TOR2A: variants seen among roughly 807,000 people sequenced by gnomAD.
TOR2A encodes prosalusin.
TOR2A carries 24 observed loss-of-function variants against 28.6 expected under a neutral mutation model. That is an observed-to-expected ratio of 0.84 (90% CI 0.61 to 1.18). The LOEUF is 1.18. Ranked by LOEUF, TOR2A falls within the 50% of genes most tolerant of loss-of-function variation. TOR2A has a pLI of 0.00. For synonymous variants in TOR2A, 203 were observed against 203.1 expected (o/e 1.00, Z 0.00); for missense variants, 426 against 448.1 (o/e 0.95, Z 0.45).
chr9:127,734,358 C>CGCGGGGGCT lies in TOR2A; in HGVS notation c.349_357dup (p.Ser117_Arg119dup), dbSNP rs756162860. 20 of 1,611,180 alleles carry CGCGGGGGCT rather than the reference C, an allele frequency of 1.2e-5. No homozygotes were observed. The highest frequency in any genetic ancestry group is 1.7e-5 in the Admixed American group (1 of 59,794). On this transcript the variant is annotated inframe_insertion, in exon 2 of 5. Transcript: ENST00000373284. ...TGGAGGACGGGAGAAAAGTGGTGCA[C>CGCGGGGGCT]GCGGGGGCTGCGGAGGCCGCCCTGG... is the stretch of plus-strand genomic sequence containing the variant.
chr9:127,733,922 G>A (rs1844577053), intron 2 of TOR2A: 2 of 402,974 alleles, frequency 5.0e-6, no homozygotes, highest in Non-Finnish European at 8.9e-6. Flanking sequence ...ATCAACAACA[G>A]TAGTAGTAAG....
Position 127,734,414 on chromosome 9 carries a change from T to A in TOR2A, c.302A>T (p.Tyr101Phe). 1 of 1,612,376 alleles carries A rather than the reference T, an allele frequency of 6.2e-7. No homozygotes were observed. The highest frequency in any genetic ancestry group is 8.5e-7 in the Non-Finnish European group (1 of 1,179,642). ...LHGWTGTGKS[Y>F]VSSLLAHYLF... ...GTAGTGCGCCAGCAGGGAGCTGACA[T>A]AGGATTTGCCGGTGCCGGTCCAGCC... The change falls in exon 2 of 5, where the codon TAT becomes TTT. Residue 101 changes from tyrosine (Y) to phenylalanine (F), a missense_variant. Coordinates refer to ENST00000373284, the MANE Select transcript of TOR2A (RefSeq NM_001085347.3).
At chr9:127,733,606 C>T (rs1844563934) in intron 2 of TOR2A, 46 bp from the exon 3 acceptor site, 1 of 1,536,138 alleles carries the variant, frequency 6.5e-7, no homozygotes. Context: ...AGAAACTCCC[C>T]CAACACCAGA....
In TOR2A at chr9:127,731,565, C is replaced by CA; in HGVS notation, c.*468dup. 1 of 1,408,254 alleles carries CA rather than the reference C, an allele frequency of 7.1e-7. No individual in the cohort carries two copies. Among genetic ancestry groups the CA allele is most frequent in the Non-Finnish European group, 9.3e-7 (1 of 1,078,576 alleles). 87.2% of individuals were successfully genotyped at this position (1,408,254 alleles called of 1,614,324 possible). A position where few individuals can be genotyped will look rare whatever the true frequency, so the allele number is the denominator to read the frequency against. ...AGTTTATTATACTTGTTTTCTTTTA[C>CA]AAAATTAAAAACATCTAAAACCAGG... On this transcript the variant is annotated 3_prime_UTR_variant, in exon 5 of 5. Transcript: ENST00000373284.
intron 1 of TOR2A, chr9:127,734,849 C>A (rs926517654): frequency 7.8e-5 from 42 of 535,980 alleles, no homozygotes; most frequent in Admixed American, 4.2e-5. Context: ...AGGCGCACTG[C>A]ACTTCTCCTT....
intron 1 of TOR2A, 45 bp downstream of exon 1, chr9:127,735,075 G>T: frequency 7.2e-7 from 1 of 1,395,214 alleles, no homozygotes; most frequent in Non-Finnish European, 9.2e-7. Flanking sequence ...TCCCGCGTCT[G>T]CCCGCGTCCG....
intron 3 of TOR2A, 120 bp downstream of exon 3, chr9:127,733,265 G>A: frequency 6.2e-7 from 1 of 1,613,060 alleles, no homozygotes; most frequent in South Asian, 1.1e-5. Flanking sequence ...GGAGGGCACT[G>A]GGAAAGCCCA....
In TOR2A at chr9:127,735,136, G is replaced by T; in HGVS notation, c.135C>A (p.Phe45Leu). 1 of 1,481,626 alleles carries T rather than the reference G, an allele frequency of 6.7e-7. No homozygotes were observed. 91.8% of individuals were successfully genotyped at this position (1,481,626 alleles called of 1,614,324 possible). ...CTLGAFCECD[F>L]RPDLPGLECD... ...GCGCCTCACCCGGCAAGTCGGGCCG[G>T]AAGTCGCATTCGCAAAAGGCGCCCA... is the stretch of plus-strand genomic sequence containing the variant. The change falls in exon 1 of 5, where the codon TTC (phenylalanine) becomes TTA (leucine). Residue 45 changes from phenylalanine to leucine, a missense_variant. Coordinates refer to ENST00000373284, the MANE Select transcript of TOR2A (RefSeq NM_001085347.3).
chr9:127,733,255 G>A (rs770356203), intron 3 of TOR2A, 130 bp downstream of exon 3: 6 of 1,612,398 alleles, frequency 3.7e-6, no homozygotes, highest in Admixed American at 1.7e-5. Flanking sequence ...TGAGAGTGGC[G>A]GAGGGCACTG....
At position 127,734,361 on chromosome 9, in the gene TOR2A, G is replaced by A. The variant is rs763144340; in HGVS notation, c.355C>T (p.Arg119Cys). 2.2e-5 allele frequency: 36 copies of A among 1,611,606 alleles called. No homozygotes were observed. The highest frequency in any genetic ancestry group is 2.9e-5 in the Non-Finnish European group (34 of 1,179,260). Residue 119 changes from arginine (R) to cysteine (C), a missense_variant, in exon 2 of 5, where the codon CGC becomes TGC. By Grantham distance (180) the Arg-to-Cys change is radical (BLOSUM62 -3). Coordinates refer to ENST00000373284, the MANE Select transcript of TOR2A (RefSeq NM_001085347.3). Reference sequence around the variant, plus strand: ...AGGACGGGAGAAAAGTGGTGCACGCGGGGGCTGCGGAGGCCGCCCTGGAAG... The same window carrying A: ...AGGACGGGAGAAAAGTGGTGCACGCAGGGGCTGCGGAGGCCGCCCTGGAAG... ...YLFQGGLRSP[R>C]VHHFSPVLHF... is the part of the protein sequence containing the mutation.
At chr9:127,733,345 G>A in intron 3 of TOR2A, 40 bp downstream of exon 3, 1 of 1,613,574 alleles carries the variant, frequency 6.2e-7, no homozygotes, top group African/African-American at 1.3e-5. Flanking sequence ...CCTCTGAGAA[G>A]TGGCCCCCCC....
intron 1 of TOR2A, 133 bp downstream of exon 1, chr9:127,734,987 G>GC (rs1844626235): frequency 7.9e-7 from 1 of 1,271,246 alleles, no homozygotes; most frequent in Non-Finnish European, 1.0e-6. Context: ...AAGTCTGCGG[G>GC]CCCCGCCCCT....
chr9:127,732,390 C>T (rs1844477077), intron 4 of TOR2A, 112 bp from the exon 5 acceptor site: 3 of 1,461,254 alleles, frequency 2.1e-6, no homozygotes, highest in South Asian at 1.4e-5. Context: ...CCTCAGCCGC[C>T]TTCTGGGTGT....
chr9:127,732,599 G>A lies in TOR2A; in HGVS notation c.686C>T (p.Pro229Leu), dbSNP rs200744648. Residue 229 changes from proline (P) to leucine (L), a missense_variant, in exon 4 of 5, where the codon CCG becomes CTG. Coordinates refer to ENST00000373284, the MANE Select transcript of TOR2A (RefSeq NM_001085347.3). Reference protein sequence around the residue: ...REEILLQELEPVISRAVLDNP... With the variant: ...REEILLQELELVISRAVLDNP... The stretch of plus-strand genomic sequence containing the variant: ...GTCCAGCACCGCGCGGGAGATGACC[G>A]GCTCCAGCTCCTGCAGGAGGATCTC... The A allele has an allele frequency of 2.2e-5, 35 of 1,587,932 alleles. No homozygotes were observed. Among genetic ancestry groups the A allele is most frequent in the African/African-American group, 6.7e-5 (5 of 74,666 alleles).
In TOR2A at chr9:127,734,371, G is replaced by A. The variant is rs1239836678; in HGVS notation, c.345C>T (p.Leu115=). The A allele has an allele frequency of 1.9e-6, 3 of 1,612,408 alleles. No homozygotes were observed. The highest frequency in any genetic ancestry group is 1.7e-6 in the Non-Finnish European group (2 of 1,179,700). ...LLAHYLFQGG[L]RSPRVHHFSP... The stretch of plus-strand genomic sequence containing the variant: ...AAAAGTGGTGCACGCGGGGGCTGCG[G>A]AGGCCGCCCTGGAAGAGGTAGTGCG... The change falls in exon 2 of 5, where the codon CTC becomes CTT. Residue 115 remains leucine, a synonymous_variant. Transcript: ENST00000373284.
chr9:127,732,863 C>T, intron 3 of TOR2A, 172 bp from the exon 4 acceptor site: 1 of 1,427,948 alleles, frequency 7.0e-7, no homozygotes, highest in East Asian at 2.5e-5. Context: ...ATCCATGGCC[C>T]CTGTAATTCA....
Position 127,732,255 on chromosome 9 carries a change from T to A in TOR2A, c.745A>T (p.Met249Leu), listed in dbSNP as rs1484484628. ...ACTGCGTCTAGGAGGCGCTCTTCCA[T>A]GATGCCCGAGTTTGAGAAGCCATCT... is the stretch of plus-strand genomic sequence containing the variant. Reference protein sequence around the residue: ...PHHGFSNSGIMEERLLDAVVP... With the variant: ...PHHGFSNSGILEERLLDAVVP... Residue 249 changes from methionine to leucine, a missense_variant, in exon 5 of 5, where the codon ATG (methionine) becomes TTG (leucine). Physicochemically the swap from Met to Leu is conservative, Grantham distance 15. Transcript: ENST00000373284. The A allele has an allele frequency of 6.3e-7, 1 of 1,587,608 alleles. No individual in the cohort carries two copies. Among genetic ancestry groups the A allele is most frequent in the East Asian group, 2.3e-5 (1 of 44,376 alleles).
At position 127,731,828 on chromosome 9, in the gene TOR2A, T is replaced by C; in HGVS notation, c.*206A>G. 2 of 1,060,964 alleles carry C rather than the reference T, an allele frequency of 1.9e-6. No individual in the cohort carries two copies. Among genetic ancestry groups the C allele is most frequent in the Non-Finnish European group, 2.6e-6 (2 of 760,718 alleles). The allele number at this position is 1,060,964 out of a possible 1,614,324, so 65.7% of individuals were successfully genotyped here. A position where few individuals can be genotyped will look rare whatever the true frequency, so the allele number is the denominator to read the frequency against. Reference sequence around the variant, plus strand: ...GTCAAGGCTCAGTGAGGTTCTGGGGTGACCAGGGGTTTCCCTGGGGAAGGT... The same window carrying C: ...GTCAAGGCTCAGTGAGGTTCTGGGGCGACCAGGGGTTTCCCTGGGGAAGGT... On this transcript the variant is annotated 3_prime_UTR_variant, in exon 5 of 5. Transcript: ENST00000373284.
intron 2 of TOR2A, chr9:127,733,831 A>T: frequency 2.0e-6 from 1 of 503,756 alleles, no homozygotes; most frequent in South Asian, 2.8e-5. Context: ...TTTCTATAAA[A>T]GGGGAAGGCT....
Sources: gnomAD v4.1 joint callset for allele counts on GRCh38, gnomAD v4.1.1 for gene constraint, MANE v1.5 for transcripts, NCBI Gene and HGNC (gene_info 2026-07-23, HGNC 2026-07-21) for gene names.